The following EBF2 variants were observed in gnomAD, a reference collection of about 807,000 sequenced individuals.
EBF2 encodes EBF transcription factor 2, also known as transcription factor COE2.
A neutral mutation model predicts 72.8 loss-of-function variants in EBF2; 21 were observed. The ratio of observed to expected loss-of-function variants is 0.29; its 90% CI spans 0.20 to 0.42. The LOEUF (loss-of-function observed/expected upper bound fraction) is 0.42, where lower values mean the gene tolerates loss of function less well. EBF2 is among the 10% of genes least tolerant of loss of function. EBF2 has a pLI of 1.00. For synonymous variants in EBF2, 299 were observed against 274.2 expected, an observed-to-expected ratio of 1.09 and a Z score of -0.89; for missense variants, 637 against 731.2, an observed-to-expected ratio of 0.87 and a Z score of 1.49.
At chr8:25,933,050 G>A (rs1010216438) in intron 6 of EBF2, among the ~76,000 whole-genome samples, 9 of 152,186 alleles carry the variant, frequency 5.9e-5, no homozygotes, top group African/African-American at 1.2e-4. Context: ...TGATGGAAGT[G>A]CATTCACTGG....
chr8:26,024,254 A>T (rs1645168327), intron 6 of EBF2, among the ~76,000 whole-genome samples: 1 of 152,140 alleles, frequency 6.6e-6, no homozygotes, highest in Non-Finnish European at 1.5e-5. Flanking sequence ...GATGGAAATT[A>T]TCTCCGCACT....
intron 10 of EBF2, among the ~76,000 whole-genome samples, chr8:25,874,061 A>T (rs148414945): frequency 8.3e-4 from 127 of 152,332 alleles, no homozygotes; most frequent in Admixed American, 1.7e-3. Flanking sequence ...TCCAGTTTGA[A>T]CAAGGAATAG....
At chr8:25,890,854 A>G (rs1269621068) in intron 7 of EBF2, among the ~76,000 whole-genome samples, 1 of 152,220 alleles carries the variant, frequency 6.6e-6, no homozygotes, top group African/African-American at 2.4e-5. Context: ...GCACTTCTAG[A>G]TGCAAGCATT....
At chr8:26,008,491 G>A (rs980128863) in intron 6 of EBF2, among the ~76,000 whole-genome samples, 5 of 152,082 alleles carry the variant, frequency 3.3e-5, no homozygotes, top group Non-Finnish European at 5.9e-5. Context: ...ACACACAGTG[G>A]TTGGAACCCA....
At chr8:25,999,808 C>T (rs1436029343) in intron 6 of EBF2, among the ~76,000 whole-genome samples, 1 of 152,056 alleles carries the variant, frequency 6.6e-6, no homozygotes, top group Non-Finnish European at 1.5e-5. Flanking sequence ...TTCTGCAGTT[C>T]TCTATTTCCT....
At chr8:25,913,224 CGAGATCAA>C (rs1463928537) in intron 6 of EBF2, among the ~76,000 whole-genome samples, 1 of 152,036 alleles carries the variant, frequency 6.6e-6, no homozygotes, top group African/African-American at 2.4e-5. Flanking sequence ...AGGAGTATCA[CGAGATCAA>C]GAGATCGAGA....
intron 6 of EBF2, among the ~76,000 whole-genome samples, chr8:25,933,434 A>AGACTTCCAT (rs1410407338): frequency 2.0e-5 from 3 of 152,222 alleles, no homozygotes; most frequent in Non-Finnish European, 1.5e-5. Context: ...ACACACAGGA[A>AGACTTCCAT]TATGCCCTAA....
rs373880513 is a variant in EBF2, at chr8:26,022,598, T to C, written c.551+10487A>G. 5.2e-4 allele frequency among the ~76,000 whole-genome samples: 79 copies of C among 152,300 alleles called. No individual in the cohort carries two copies. The East Asian group carries it at 0.011, about 22-fold the overall frequency. ...TGTTCCATCTCTGCAAATTCCTCCA[T>C]TTCTGTCATCACATCCGTGGAGTTA... On this transcript the variant is annotated intron_variant, in intron 6 of 15. Coordinates refer to ENST00000520164, the MANE Select transcript of EBF2 (RefSeq NM_022659.4).
At chr8:25,977,079 A>T (rs1054709577) in intron 6 of EBF2, among the ~76,000 whole-genome samples, 5 of 152,162 alleles carry the variant, frequency 3.3e-5, no homozygotes, top group African/African-American at 1.2e-4. Context: ...CTGAGCTGTT[A>T]TCTGACTGAG....
At chr8:25,941,753 A>AC (rs1803676793) in intron 6 of EBF2, among the ~76,000 whole-genome samples, 1 of 151,710 alleles carries the variant, frequency 6.6e-6, no homozygotes, top group Admixed American at 6.6e-5. Context: ...CCACACCCAT[A>AC]CCTGCCCCTA....
intron 7 of EBF2, among the ~76,000 whole-genome samples, chr8:25,892,054 C>T (rs537388442): frequency 6.6e-6 from 1 of 152,254 alleles, no homozygotes; most frequent in African/African-American, 2.4e-5. Flanking sequence ...GACCCCTTAT[C>T]CAAGAGGTCT....
chr8:25,918,759 C>A (rs1230691264), intron 6 of EBF2, among the ~76,000 whole-genome samples: 5 of 151,284 alleles, frequency 3.3e-5, no homozygotes, highest in South Asian at 2.1e-4. Flanking sequence ...TTCAAACAAT[C>A]AAAAAAAAAT....
chr8:26,040,232 G>A (rs1367110909), intron 4 of EBF2, 131 bp from the exon 5 acceptor site: 4 of 976,658 alleles, frequency 4.1e-6, no homozygotes, highest in Non-Finnish European at 4.7e-6. Context: ...ATTCCCGCCC[G>A]CAGCACATTC....
At chr8:25,855,272 G>C (rs1191116124) in intron 14 of EBF2, among the ~76,000 whole-genome samples, 35 of 152,178 alleles carry the variant, frequency 2.3e-4, no homozygotes, top group East Asian at 5.8e-4. Context: ...TGGAGCTAAG[G>C]GGTCTGTCAG....
At chr8:26,025,208 A>G (rs1021915839) in intron 6 of EBF2, among the ~76,000 whole-genome samples, 2 of 152,158 alleles carry the variant, frequency 1.3e-5, no homozygotes, top group African/African-American at 4.8e-5. Flanking sequence ...TTCACAGAGA[A>G]AGAAAGGATG....
chr8:25,908,863 AG>A (rs900166744), intron 6 of EBF2, among the ~76,000 whole-genome samples: 2 of 152,122 alleles, frequency 1.3e-5, no homozygotes, highest in Non-Finnish European at 2.9e-5. Flanking sequence ...TTTTTTAAAA[AG>A]GCTTCAAATG....
Position 25,843,742 on chromosome 8 carries a change from G to C in EBF2, c.*867C>G, listed in dbSNP as rs995563661. The C allele has an allele frequency of 6.6e-6, 1 of 152,248 alleles. No homozygotes were observed. The highest frequency in any genetic ancestry group is 2.4e-5 in the African/African-American group (1 of 41,446). 9.4% of individuals were successfully genotyped at this position (152,248 alleles called of 1,614,324 possible). On this transcript the variant is annotated 3_prime_UTR_variant, in exon 16 of 16. Coordinates refer to ENST00000520164, the MANE Select transcript of EBF2 (RefSeq NM_022659.4). Reference sequence around the variant, plus strand: ...AATGAATTGATGGGTTGGAGTATTTGTGCATGTGCTAGAGTGTCTGTTTCT... The same window carrying C: ...AATGAATTGATGGGTTGGAGTATTTCTGCATGTGCTAGAGTGTCTGTTTCT...
intron 15 of EBF2, among the ~76,000 whole-genome samples, chr8:25,845,444 T>C (rs1239650951): frequency 6.6e-6 from 1 of 152,210 alleles, no homozygotes; most frequent in African/African-American, 2.4e-5. Flanking sequence ...CAGGCTGGTC[T>C]TGAACTCCTG....
intron 13 of EBF2, among the ~76,000 whole-genome samples, chr8:25,859,845 T>C (rs1802178444): frequency 6.6e-6 from 1 of 151,716 alleles, no homozygotes; most frequent in Non-Finnish European, 1.5e-5. Context: ...ACCTCCCAAA[T>C]AGCAGGGACT....
Sources: gnomAD v4.1 joint callset for allele counts (sites outside exome capture counted in the v4.1 genomes callset) on GRCh38, gnomAD v4.1.1 for gene constraint, MANE v1.5 for transcripts, NCBI Gene and HGNC (gene_info 2026-07-23, HGNC 2026-07-21) for gene names.